PLAAT2: variants seen among roughly 807,000 people sequenced by gnomAD.
PLAAT2 encodes the protein phospholipase A and acyltransferase 2, also known as HRAS like suppressor 2.
PLAAT2 carries 12 observed loss-of-function variants against 12.8 expected under a neutral mutation model. That is an observed-to-expected ratio of 0.94 (90% CI 0.60 to 1.52). The LOEUF is 1.52. PLAAT2 is among the 40% of genes most tolerant of loss of function. The pLI is 0.00. For synonymous variants in PLAAT2, 79 were observed against 86.8 expected, an observed-to-expected ratio of 0.91 and a Z score of 0.50; for missense variants, 166 against 208.1, an observed-to-expected ratio of 0.80 and a Z score of 1.24.
intron 3 of PLAAT2, among the ~76,000 whole-genome samples, chr11:63,556,582 A>G (rs949750764): frequency 6.6e-6 from 1 of 152,058 alleles, no homozygotes; most frequent in East Asian, 1.9e-4. Context: ...AGCATGTCCC[A>G]CCGTGCCCCA....
At chr11:63,562,619 T>C (rs2017528823) in intron 1 of PLAAT2, among the ~76,000 whole-genome samples, 1 of 152,200 alleles carries the variant, frequency 6.6e-6, no homozygotes, top group Non-Finnish European at 1.5e-5. Flanking sequence ...TACTTACCAG[T>C]ATATCATTCC....
rs201005693 is a variant in PLAAT2 at position 63,552,928 on chromosome 11, G to A, written c.*36C>T. The A allele has an allele frequency of 1.5e-5, 21 of 1,374,678 alleles. No homozygotes were observed. The East Asian group carries it at 1.6e-4, about 11-fold the overall frequency. 85.2% of individuals were successfully genotyped at this position (1,374,678 alleles called of 1,614,324 possible). A position where few individuals can be genotyped will look rare whatever the true frequency, so the allele number is the denominator to read the frequency against. On this transcript the variant is annotated 3_prime_UTR_variant, in exon 4 of 4. Coordinates refer to ENST00000255695, the MANE Select transcript of PLAAT2 (RefSeq NM_017878.2). Reference sequence around the variant, plus strand: ...CCTGCTGGCTAAATAATATTCCTCCGTAAGAATTGGTGGTTGTTGGGACAA... The same window carrying A: ...CCTGCTGGCTAAATAATATTCCTCCATAAGAATTGGTGGTTGTTGGGACAA...
intron 3 of PLAAT2, among the ~76,000 whole-genome samples, chr11:63,556,723 C>A (rs2017469639): frequency 6.6e-6 from 1 of 152,198 alleles, no homozygotes; most frequent in Non-Finnish European, 1.5e-5. Context: ...TATCATACAA[C>A]AGAACAGCTA....
At chr11:63,563,940 C>T (rs2017542077), upstream of PLAAT2, among the ~76,000 whole-genome samples, 1 of 151,978 alleles carries the variant, frequency 6.6e-6, no homozygotes, top group Non-Finnish European at 1.5e-5. Context: ...AAGCAAGATC[C>T]AGTGGTTGTG....
upstream of PLAAT2, among the ~76,000 whole-genome samples, chr11:63,564,660 C>T (rs548543781): frequency 6.6e-6 from 1 of 152,298 alleles, no homozygotes; most frequent in South Asian, 2.1e-4. Context: ...GGACAATCTT[C>T]AAAGTATTCC....
Position 63,558,413 on chromosome 11 carries a change from A to G in PLAAT2, c.366T>C (p.Tyr122=), listed in dbSNP as rs764966202. 1.2e-6 allele frequency: 2 copies of G among 1,614,208 alleles called. No individual in the cohort carries two copies. Among genetic ancestry groups the G allele is most frequent in the Non-Finnish European group, 1.7e-6 (2 of 1,180,028 alleles). Residue 122 remains tyrosine, a synonymous_variant, in exon 3 of 4, where the codon TAT becomes TAC. Transcript: ENST00000255695. ...NCEHFVNHLR[Y]GVSRSDQVTG... is the part of the protein sequence containing the mutation. ...GCACCTGGTCACTGCGGGAGACGCC[A>G]TAGCGCAGATGGTTCACGAAGTGCT...
chr11:63,562,182 G>A (rs558573383), intron 1 of PLAAT2, among the ~76,000 whole-genome samples: 3 of 152,214 alleles, frequency 2.0e-5, no homozygotes, highest in Admixed American at 1.3e-4. Context: ...GAGGGGAAAG[G>A]CTGTACAGAT....
intron 1 of PLAAT2, among the ~76,000 whole-genome samples, chr11:63,561,948 T>C (rs1381624556): frequency 6.6e-6 from 1 of 152,170 alleles, no homozygotes; most frequent in Non-Finnish European, 1.5e-5. Flanking sequence ...AGGATATTTT[T>C]TAAAAACACT....
chr11:63,557,620 A>G (rs1208968141), intron 3 of PLAAT2, among the ~76,000 whole-genome samples: 1 of 152,184 alleles, frequency 6.6e-6, no homozygotes, highest in Middle Eastern at 3.4e-3. Flanking sequence ...CTATTTTTGT[A>G]AAAAATAAAT....
At chr11:63,561,745 C>G (rs2017521086) in intron 1 of PLAAT2, among the ~76,000 whole-genome samples, 1 of 143,322 alleles carries the variant, frequency 7.0e-6, no homozygotes, top group Admixed American at 7.0e-5. Context: ...CCACTAAAAA[C>G]TAATTTATGT....
At position 63,558,619 on chromosome 11, in the gene PLAAT2, G is replaced by A; in HGVS notation, c.160C>T (p.Leu54=). Residue 54 remains leucine, a synonymous_variant, in exon 3 of 4, where the codon CTG becomes TTG. Transcript: ENST00000255695. ...GAGAASVLSA[L]TNKAIVKKEL... is the part of the protein sequence containing the mutation. The stretch of plus-strand genomic sequence containing the variant: ...TTCTTCACTATGGCTTTGTTGGTCA[G>A]GGCAGACAGGACACTGGCCGCACCA... 1 of 1,614,214 alleles carries A rather than the reference G, an allele frequency of 6.2e-7. No homozygotes were observed. Among genetic ancestry groups the A allele is most frequent in the Non-Finnish European group, 8.5e-7 (1 of 1,180,042 alleles).
chr11:63,564,957 T>C (rs1427239993), upstream of PLAAT2, among the ~76,000 whole-genome samples: 1 of 152,164 alleles, frequency 6.6e-6, no homozygotes, highest in Non-Finnish European at 1.5e-5. Context: ...AACATCACTG[T>C]ACTCATGCTG....
chr11:63,561,108 A>T (rs2017514201), intron 1 of PLAAT2, among the ~76,000 whole-genome samples: 1 of 152,218 alleles, frequency 6.6e-6, no homozygotes, highest in Admixed American at 6.5e-5. Flanking sequence ...GGGTGGTGAG[A>T]GTGCCAGCCA....
chr11:63,563,434 A>G (rs945919442), upstream of PLAAT2: 5 of 1,416,938 alleles, frequency 3.5e-6, no homozygotes, highest in African/African-American at 4.2e-5. Flanking sequence ...ATTTCAGAAC[A>G]TAGGCTGGGT....
intron 3 of PLAAT2, among the ~76,000 whole-genome samples, chr11:63,554,328 G>A (rs1335314949): frequency 6.6e-6 from 1 of 152,100 alleles, no homozygotes; most frequent in African/African-American, 2.4e-5. Context: ...AGGATGGACA[G>A]TGTAAAGAAC....
rs777548929 is a variant in PLAAT2 at position 63,558,486 on chromosome 11, T to A, written c.293A>T (p.Glu98Val). 1.9e-6 allele frequency: 3 copies of A among 1,614,178 alleles called. No individual in the cohort carries two copies. The highest frequency in any genetic ancestry group is 2.5e-6 in the Non-Finnish European group (3 of 1,180,028). The change falls in exon 3 of 4, where the codon GAG becomes GTG. Residue 98 changes from glutamate to valine, a missense_variant. Transcript: ENST00000255695. ...PSNKIVKRAE[E>V]LVGQELPYSL... Reference sequence around the variant, plus strand: ...ATAAGGCAACTCCTGCCCCACCAACTCCTCTGCCCGCTTGACGATTTTGTT... The same window carrying A: ...ATAAGGCAACTCCTGCCCCACCAACACCTCTGCCCGCTTGACGATTTTGTT...
chr11:63,564,176 G>A (rs1414895436), upstream of PLAAT2, among the ~76,000 whole-genome samples: 1 of 152,132 alleles, frequency 6.6e-6, no homozygotes. Context: ...CAGCAGTATA[G>A]AAACCACTCC....
chr11:63,557,611 T>C (rs1241395762), intron 3 of PLAAT2, among the ~76,000 whole-genome samples: 4 of 152,160 alleles, frequency 2.6e-5, no homozygotes, highest in Non-Finnish European at 1.5e-5. Flanking sequence ...ACCTGTGAAC[T>C]ATTTTTGTAA....
In PLAAT2 at chr11:63,560,272, C is replaced by T; in HGVS notation, c.10-79G>A. 4 of 1,008,334 alleles carry T rather than the reference C, an allele frequency of 4.0e-6. No homozygotes were observed. In the South Asian group the frequency reaches 4.3e-5, roughly 11 times the overall value. The allele number at this position is 1,008,334 out of a possible 1,614,324, so 62.5% of individuals were successfully genotyped here. A position where few individuals can be genotyped will look rare whatever the true frequency, so the allele number is the denominator to read the frequency against. ...CTAGGGCCTGACCTGCAAGGAGCCC[C>T]AGCTCAGCCTGCAGATTCCCTGTGC... On this transcript the variant is annotated intron_variant, in intron 1 of 3. Coordinates refer to ENST00000255695, the MANE Select transcript of PLAAT2 (RefSeq NM_017878.2).
Sources: allele counts gnomAD v4.1 joint callset (sites outside exome capture counted in the v4.1 genomes callset), GRCh38; gene constraint gnomAD v4.1.1; transcripts MANE v1.5; gene names NCBI Gene and HGNC (gene_info 2026-07-23, HGNC 2026-07-21).